PCDH7: variants seen among roughly 807,000 people sequenced by gnomAD.
The protein encoded by PCDH7 is protocadherin-7.
Under a neutral mutation model 58.9 loss-of-function variants are expected in PCDH7, and 17 were observed. The ratio of observed to expected loss-of-function variants is 0.29; its 90% CI spans 0.20 to 0.43. The LOEUF (loss-of-function observed/expected upper bound fraction) is 0.43, where lower values mean the gene tolerates loss of function less well. PCDH7 is among the 20% of genes least tolerant of loss of function. The probability of loss-of-function intolerance (pLI) is 1.00; values close to 1 mark genes in which losing one functional copy is unlikely to be tolerated. For missense variants in PCDH7, 1,274 were observed against 1,441.0 expected (o/e 0.88, Z 1.88); for synonymous variants, 664 against 616.4 (o/e 1.08, Z -1.14).
chr4:30,831,733 G>A (rs1468525040), intron 1 of PCDH7, among the ~76,000 whole-genome samples: 1 of 151,972 alleles, frequency 6.6e-6, no homozygotes, highest in East Asian at 1.9e-4. Flanking sequence ...ATGATATAAG[G>A]CCTATTTTCA....
At chr4:30,918,778 G>C (rs1742800351) in intron 1 of PCDH7, among the ~76,000 whole-genome samples, 1 of 151,980 alleles carries the variant, frequency 6.6e-6, no homozygotes. Context: ...TGAGCTACTG[G>C]GTTAAAAATA....
chr4:30,900,860 A>G (rs1032668856), intron 1 of PCDH7, among the ~76,000 whole-genome samples: 1 of 152,154 alleles, frequency 6.6e-6, no homozygotes, highest in South Asian at 2.1e-4. Context: ...TTGCAATATG[A>G]TGATAAAAAA....
intron 3 of PCDH7, among the ~76,000 whole-genome samples, chr4:30,954,005 G>C (rs1319242751): frequency 6.6e-6 from 1 of 152,080 alleles, no homozygotes; most frequent in East Asian, 1.9e-4. Context: ...ATTAAAAGAT[G>C]TGTAAAGCAA....
chr4:30,730,880 G>A (rs1290826069), exon 2 of PCDH7: 14 of 1,462,656 alleles, frequency 9.6e-6, no homozygotes, highest in Non-Finnish European at 9.9e-6. Flanking sequence ...GCCGTGGGGT[G>A]TCAGCCAATC....
intron 3 of PCDH7, among the ~76,000 whole-genome samples, chr4:31,140,336 A>G (rs778402830): frequency 6.6e-6 from 1 of 152,152 alleles, no homozygotes; most frequent in Non-Finnish European, 1.5e-5. Flanking sequence ...TGTGTGAGAC[A>G]TAAATGTGGA....
intron 1 of PCDH7, among the ~76,000 whole-genome samples, chr4:30,890,872 A>G (rs1244139149): frequency 6.6e-6 from 1 of 152,142 alleles, no homozygotes; most frequent in Non-Finnish European, 1.5e-5. Context: ...TATTACTAAG[A>G]TAGGGAATGT....
intron 1 of PCDH7, among the ~76,000 whole-genome samples, chr4:30,766,453 ATT>A (rs1720760369): frequency 6.6e-6 from 1 of 152,158 alleles, no homozygotes; most frequent in African/African-American, 2.4e-5. Flanking sequence ...TTGAAAAGTG[ATT>A]TGATCTAACA....
At chr4:31,138,278 T>G (rs1719855528) in intron 3 of PCDH7, among the ~76,000 whole-genome samples, 1 of 152,220 alleles carries the variant, frequency 6.6e-6, no homozygotes, top group South Asian at 2.1e-4. Flanking sequence ...ATCTGACTTC[T>G]TAAGAAAACA....
At position 30,943,314 on chromosome 4, in the gene PCDH7, G is replaced by A. The variant is rs190313447; in HGVS notation, c.288-6806G>A. 6.9e-3 allele frequency among the ~76,000 whole-genome samples: 1,057 copies of A among 152,100 alleles called. 4 individuals are homozygous for A. The highest frequency in any genetic ancestry group is 0.013 in the Non-Finnish European group (853 of 67,994). ...GCAACAAAATCAATATATTACTGGT[G>A]TGCTAATTAACTGTCACGTGAAAAT... On this transcript the variant is annotated intron_variant, in intron 2 of 3. Transcript: ENST00000509759.
intron 1 of PCDH7, among the ~76,000 whole-genome samples, chr4:30,754,255 A>C (rs1308672234): frequency 1.3e-5 from 2 of 152,024 alleles, no homozygotes; most frequent in African/African-American, 4.8e-5. Flanking sequence ...ACTCATTAGA[A>C]AATGTCCTGA....
Position 30,722,356 on chromosome 4 carries a change from G to T in PCDH7, c.934G>T (p.Val312Leu). Reference sequence around the variant, plus strand: ...CAACAGCCCCCGCTTCGAGAAGAGCGTGTACGAGGCCGACTTGGCTGAGAA... The same window carrying T: ...CAACAGCCCCCGCTTCGAGAAGAGCTTGTACGAGGCCGACTTGGCTGAGAA... Residue 312 changes from valine (V) to leucine (L), a missense_variant, in exon 1 of 2, where the codon GTG becomes TTG. Val to Leu is a conservative substitution (Grantham distance 32). Coordinates refer to ENST00000361762, the Ensembl canonical transcript of PCDH7. The surrounding 1 kb of genome is among the most constrained non-coding windows in gnomAD (Gnocchi z 7.6). The T allele has an allele frequency of 6.2e-7, 1 of 1,612,354 alleles. No homozygotes were observed. The highest frequency in any genetic ancestry group is 8.5e-7 in the Non-Finnish European group (1 of 1,179,818).
chr4:31,050,201 T>C (rs1756623342), intron 3 of PCDH7, among the ~76,000 whole-genome samples: 1 of 152,174 alleles, frequency 6.6e-6, no homozygotes, highest in Non-Finnish European at 1.5e-5. Context: ...AGGCAGGCTT[T>C]TGCCAAACAC....
intron 1 of PCDH7, among the ~76,000 whole-genome samples, chr4:30,823,007 C>T (rs576908554): frequency 1.4e-3 from 216 of 152,266 alleles, no homozygotes; most frequent in African/African-American, 5.1e-3. Flanking sequence ...AGCCCAGATG[C>T]AGAGGCAGTT....
chr4:31,083,587 A>C (rs890116581), intron 3 of PCDH7, among the ~76,000 whole-genome samples: 4 of 152,232 alleles, frequency 2.6e-5, no homozygotes, highest in Non-Finnish European at 5.9e-5. Context: ...ATTTTAAAGG[A>C]TTACGTTCTT....
In PCDH7 at chr4:30,723,375, C is replaced by T. The variant is rs1714034432; in HGVS notation, c.1953C>T (p.Asn651=). The T allele has an allele frequency of 1.2e-6, 2 of 1,614,124 alleles. No homozygotes were observed. The highest frequency in any genetic ancestry group is 1.3e-5 in the African/African-American group (1 of 74,950). ...TCTTCACCTTTTATGTGAAAGAAAA[C>T]TTGCAGCCCAACAGCCCTGTGGGGA... Residue 651 remains asparagine (N), a synonymous_variant, in exon 1 of 2, where the codon AAC becomes AAT. Transcript: ENST00000361762. This position sits in a 1 kb window ranked among gnomAD's most constrained non-coding sequence, Gnocchi z 4.6.
In PCDH7 at chr4:30,731,014, G is replaced by C. The variant is rs914298621; in HGVS notation, c.*226G>C. The C allele has an allele frequency of 2.5e-6, 3 of 1,208,884 alleles. No individual in the cohort carries two copies. In the African/African-American group the frequency reaches 4.7e-5, roughly 19 times the overall value. 74.9% of individuals were successfully genotyped at this position (1,208,884 alleles called of 1,614,324 possible). The stretch of plus-strand genomic sequence containing the variant: ...TTAATGCAGAAATGTGCTACTAATG[G>C]ATGTCTGAGTCACCAGAAATTCCAT... On this transcript the variant is annotated 3_prime_UTR_variant, in exon 2 of 2. Coordinates refer to ENST00000361762, the Ensembl canonical transcript of PCDH7.
intron 3 of PCDH7, among the ~76,000 whole-genome samples, chr4:31,097,012 G>A (rs540696241): frequency 1.3e-5 from 2 of 151,908 alleles, no homozygotes; most frequent in Non-Finnish European, 2.9e-5. Flanking sequence ...TCTATACACA[G>A]AGAGAAAAAG....
chr4:30,873,249 A>G (rs1295673210), intron 1 of PCDH7, among the ~76,000 whole-genome samples: 1 of 152,108 alleles, frequency 6.6e-6, no homozygotes, highest in African/African-American at 2.4e-5. Context: ...CCATGTTACA[A>G]TAAGAATTTT....
At chr4:30,951,858 C>T (rs1747402312) in intron 3 of PCDH7, among the ~76,000 whole-genome samples, 4 of 152,150 alleles carry the variant, frequency 2.6e-5, no homozygotes, top group Admixed American at 2.0e-4. Flanking sequence ...GCAGTACTCT[C>T]GTTCATGCTC....
Sources: gnomAD v4.1 joint callset for allele counts (sites outside exome capture counted in the v4.1 genomes callset) on GRCh38, gnomAD v4.1.1 for gene constraint, Gnocchi (gnomAD v3.1) non-coding constraint, MANE v1.5 for transcripts, NCBI Gene and HGNC (gene_info 2026-07-23, HGNC 2026-07-21) for gene names.